The following GPCPD1 variants were observed in gnomAD, a reference collection of about 807,000 sequenced individuals.
GPCPD1 encodes the protein glycerophosphocholine phosphodiesterase 1.
Under a neutral mutation model 89.2 loss-of-function variants are expected in GPCPD1, and 29 were observed. The ratio of observed to expected loss-of-function variants is 0.33; its 90% CI spans 0.24 to 0.44. The LOEUF is 0.44. GPCPD1 is among the 20% of genes least tolerant of loss of function. The probability of loss-of-function intolerance (pLI) is 1.00; values close to 1 mark genes in which losing one functional copy is unlikely to be tolerated. For synonymous variants in GPCPD1, 258 were observed against 266.3 expected (o/e 0.97, Z 0.30); for missense variants, 594 against 808.9 (o/e 0.73, Z 3.22).
At chr20:5,606,329 C>T (rs898522553) in intron 1 of GPCPD1, among the ~76,000 whole-genome samples, 13 of 151,948 alleles carry the variant, frequency 8.6e-5, no homozygotes, top group Non-Finnish European at 1.9e-4. Flanking sequence ...ACAAGAATTC[C>T]AATCACATCT....
intron 17 of GPCPD1, among the ~76,000 whole-genome samples, chr20:5,559,629 T>C (rs563563036): frequency 2.6e-5 from 4 of 152,292 alleles, no homozygotes; most frequent in Admixed American, 2.6e-4. Context: ...ATTTTTTCTA[T>C]ACAAGAGCTA....
chr20:5,592,701 A>G lies in GPCPD1; in HGVS notation c.231+626T>C, dbSNP rs563231356. On this transcript the variant is annotated intron_variant, in intron 4 of 19. Transcript: ENST00000379019. ...TGAAGGAAAAGAATCCTTTCAGCAA[A>G]TAAGTATCTTTAGAATAAAAGGAAA... 5.3e-5 allele frequency among the ~76,000 whole-genome samples: 8 copies of G among 152,332 alleles called. No homozygotes were observed. The South Asian group carries it at 1.4e-3, about 28-fold the overall frequency.
chr20:5,550,939 C>G (rs1042042454), intron 19 of GPCPD1, among the ~76,000 whole-genome samples: 1 of 152,120 alleles, frequency 6.6e-6, no homozygotes, highest in African/African-American at 2.4e-5. Context: ...GAGAGGCAGA[C>G]GTATTGAGGG....
intron 12 of GPCPD1, among the ~76,000 whole-genome samples, chr20:5,568,230 G>GTATATA (rs3057280): frequency 2.6e-4 from 38 of 145,542 alleles, no homozygotes; most frequent in African/African-American, 8.8e-4. Flanking sequence ...AATATACTTA[G>GTATATA]TATATATATA....
Position 5,546,894 on chromosome 20 carries a change from T to C in GPCPD1, c.*767A>G, listed in dbSNP as rs2122504696. The C allele has an allele frequency of 6.5e-6, 1 of 152,772 alleles. No homozygotes were observed. The highest frequency in any genetic ancestry group is 6.5e-5 in the Admixed American group (1 of 15,298). 9.5% of individuals were successfully genotyped at this position (152,772 alleles called of 1,614,324 possible). On this transcript the variant is annotated 3_prime_UTR_variant, in exon 20 of 20. Coordinates refer to ENST00000379019, the MANE Select transcript of GPCPD1 (RefSeq NM_019593.5). ...CAGTAAACATGTACAATCTCATGCT[T>C]AACACCTAAAGCATGCACTGAATTG...
At chr20:5,577,961 G>A (rs1324349484) in intron 8 of GPCPD1, among the ~76,000 whole-genome samples, 1 of 152,178 alleles carries the variant, frequency 6.6e-6, no homozygotes, top group Admixed American at 6.5e-5. Flanking sequence ...TTGCAAGTCA[G>A]TCCCATCAAC....
intron 6 of GPCPD1, 106 bp downstream of exon 6, chr20:5,584,175 C>A (rs1978749818): frequency 1.6e-6 from 1 of 631,342 alleles, no homozygotes; most frequent in Non-Finnish European, 2.9e-6. Context: ...CGTTATGCAG[C>A]ACATGACTGT....
At chr20:5,572,765 C>T (rs982624160) in intron 11 of GPCPD1, among the ~76,000 whole-genome samples, 3 of 150,204 alleles carry the variant, frequency 2.0e-5, no homozygotes, top group Non-Finnish European at 4.4e-5. Flanking sequence ...GTTGCAGTTG[C>T]TGAAAATACT....
chr20:5,575,033 T>C (rs1286853335), intron 10 of GPCPD1, among the ~76,000 whole-genome samples: 1 of 152,222 alleles, frequency 6.6e-6, no homozygotes, highest in African/African-American at 2.4e-5. Flanking sequence ...TCCTTGAGTT[T>C]AGTCACACTT....
intron 4 of GPCPD1, among the ~76,000 whole-genome samples, chr20:5,589,350 G>A (rs1239883917): frequency 2.6e-5 from 4 of 152,166 alleles, no homozygotes; most frequent in Non-Finnish European, 4.4e-5. Context: ...GGTGGCTCAC[G>A]CCTGTAATCC....
At chr20:5,572,200 C>T (rs1034899507) in intron 11 of GPCPD1, among the ~76,000 whole-genome samples, 9 of 152,186 alleles carry the variant, frequency 5.9e-5, no homozygotes, top group Admixed American at 4.6e-4. Context: ...GCCTGGGTGA[C>T]GAAGCCATCA....
intron 19 of GPCPD1, chr20:5,548,819 C>T (rs1985191373): frequency 3.5e-6 from 2 of 568,116 alleles, no homozygotes; most frequent in South Asian, 6.9e-5. Flanking sequence ...AAAGCAGGAG[C>T]AGATCGATGT....
intron 2 of GPCPD1, among the ~76,000 whole-genome samples, chr20:5,602,492 T>C (rs1469565322): frequency 6.6e-6 from 1 of 152,238 alleles, no homozygotes. Context: ...GGGGTAGAAC[T>C]ATACCAGATC....
chr20:5,548,425 G>C (rs1268739415), intron 19 of GPCPD1: 2 of 152,240 alleles, frequency 1.3e-5, no homozygotes, highest in Non-Finnish European at 2.9e-5. Flanking sequence ...GGCAGTATCA[G>C]AGAATCTTTA....
At chr20:5,548,958 G>C (rs2122515547) in intron 19 of GPCPD1, 1 of 990,948 alleles carries the variant, frequency 1.0e-6, no homozygotes, top group Non-Finnish European at 1.5e-6. Flanking sequence ...AGAACAGATG[G>C]GCACTCTGGT....
Position 5,575,882 on chromosome 20 carries a change from T to G in GPCPD1, c.802A>C (p.Ser268Arg). The G allele has an allele frequency of 6.2e-7, 1 of 1,608,338 alleles. No homozygotes were observed. Among genetic ancestry groups the G allele is most frequent in the Non-Finnish European group, 8.5e-7 (1 of 1,175,082 alleles). Reference sequence around the variant, plus strand: ...ATGGGAAGAGTAAGAATTCCAGCACTCTTTCCACTCTCAGCAATGGTGGAT... The same window carrying G: ...ATGGGAAGAGTAAGAATTCCAGCACGCTTTCCACTCTCAGCAATGGTGGAT... Reference protein sequence around the residue: ...LSSTIAESGKSAGILTLPIMS... With the variant: ...LSSTIAESGKRAGILTLPIMS... Residue 268 changes from serine to arginine, a missense_variant, in exon 9 of 20, where the codon AGT becomes CGT. By Grantham distance (110) the Ser-to-Arg change is moderately radical (BLOSUM62 -1). Transcript: ENST00000379019.
At chr20:5,603,479 C>A (rs76722601) in intron 2 of GPCPD1, among the ~76,000 whole-genome samples, 4,874 of 151,944 alleles carry the variant, frequency 0.032, 269 homozygotes, top group African/African-American at 0.11. Flanking sequence ...GCAGAGGAAA[C>A]AGCATTTGAG....
At chr20:5,582,415 A>G (rs1385560983) in intron 6 of GPCPD1, among the ~76,000 whole-genome samples, 1 of 152,152 alleles carries the variant, frequency 6.6e-6, no homozygotes, top group Admixed American at 6.5e-5. Flanking sequence ...GTTCATTTCT[A>G]CCATACATAA....
At position 5,602,822 on chromosome 20, in the gene GPCPD1, A is replaced by G. The variant is rs934971598; in HGVS notation, c.49+1542T>C. ...ACATGGCAAAACCCCATCTCTACAA[A>G]AAATACAAAAATTAGCCAGGTGTGG... is the stretch of plus-strand genomic sequence containing the variant. On this transcript the variant is annotated intron_variant, in intron 2 of 19. Coordinates refer to ENST00000379019, the MANE Select transcript of GPCPD1 (RefSeq NM_019593.5). 2.6e-5 allele frequency among the ~76,000 whole-genome samples: 4 copies of G among 152,226 alleles called. No individual in the cohort carries two copies. The South Asian group carries it at 8.3e-4, about 32-fold the overall frequency.
Sources: allele counts gnomAD v4.1 joint callset (sites outside exome capture counted in the v4.1 genomes callset), GRCh38; gene constraint gnomAD v4.1.1; transcripts MANE v1.5; gene names NCBI Gene and HGNC (gene_info 2026-07-23, HGNC 2026-07-21).